MAP7: variants seen among roughly 807,000 people sequenced by gnomAD.
The protein encoded by MAP7 is microtubule associated protein 7.
A neutral mutation model predicts 94.8 loss-of-function variants in MAP7; 52 were observed. That is an observed-to-expected ratio of 0.55 (90% confidence interval 0.44 to 0.69). MAP7 has a LOEUF of 0.69. Among genes scored for constraint, MAP7 ranks in the 30% least tolerant of loss-of-function variants. The probability of loss-of-function intolerance (pLI) is 0.00; values close to 1 mark genes in which losing one functional copy is unlikely to be tolerated. For missense variants in MAP7, 940 were observed against 964.6 expected (o/e 0.97, Z 0.34); for synonymous variants, 350 against 357.0 (o/e 0.98, Z 0.22).
chr6:136,526,897 A>T (rs1394791783), intron 1 of MAP7, among the ~76,000 whole-genome samples: 1 of 152,160 alleles, frequency 6.6e-6, no homozygotes, highest in Non-Finnish European at 1.5e-5. Flanking sequence ...AGCACCAGTC[A>T]TGAGGGCCAC....
At chr6:136,516,926 A>G (rs184860094) in intron 1 of MAP7, among the ~76,000 whole-genome samples, 160 of 151,766 alleles carry the variant, frequency 1.1e-3, no homozygotes, top group Non-Finnish European at 1.8e-3. Flanking sequence ...ACATACATGC[A>G]CACGAGCGCA....
At chr6:136,422,423 T>TA (rs200822830) in intron 1 of MAP7, among the ~76,000 whole-genome samples, 1,645 of 152,074 alleles carry the variant, frequency 0.011, 21 homozygotes, top group East Asian at 0.038. Flanking sequence ...AAATTCAAAT[T>TA]AAAAAAAATC....
At chr6:136,490,037 G>T (rs1816080142) in intron 1 of MAP7, among the ~76,000 whole-genome samples, 1 of 152,198 alleles carries the variant, frequency 6.6e-6, no homozygotes, top group East Asian at 1.9e-4. Flanking sequence ...TTTGTAAAAA[G>T]TAAAAAATCC....
At chr6:136,492,023 A>G (rs972166229) in intron 1 of MAP7, among the ~76,000 whole-genome samples, 2 of 152,192 alleles carry the variant, frequency 1.3e-5, no homozygotes, top group African/African-American at 2.4e-5. Context: ...ATGAGTTTAT[A>G]TTCCAAAAGA....
intron 8 of MAP7, among the ~76,000 whole-genome samples, chr6:136,367,639 G>A (rs143415971): frequency 6.6e-6 from 1 of 152,172 alleles, no homozygotes; most frequent in Non-Finnish European, 1.5e-5. Flanking sequence ...AAAAAATGAA[G>A]AAAGAGGCAG....
At chr6:136,480,990 T>C (rs1323443410) in intron 1 of MAP7, among the ~76,000 whole-genome samples, 4 of 152,160 alleles carry the variant, frequency 2.6e-5, no homozygotes, top group Non-Finnish European at 5.9e-5. Flanking sequence ...AAAGAATACA[T>C]ACAAATGTCA....
At position 136,480,103 on chromosome 6, in the gene MAP7, G is replaced by A. The variant is rs113334314; in HGVS notation, c.68-58304C>T. On this transcript the variant is annotated intron_variant, in intron 1 of 17. Coordinates refer to ENST00000354570, the MANE Select transcript of MAP7 (RefSeq NM_003980.6). ...ACTTGACTTCAAATTATACTGCAGAGTCATAGTAACCAAAATAGCATGGTA... is the reference window on the plus strand; with the variant it reads ...ACTTGACTTCAAATTATACTGCAGAATCATAGTAACCAAAATAGCATGGTA... 3.3e-3 allele frequency among the ~76,000 whole-genome samples: 509 copies of A among 152,254 alleles called. 1 individual carries two copies. Among genetic ancestry groups the A allele is most frequent in the Middle Eastern group, 6.8e-3 (2 of 294 alleles).
At chr6:136,540,741 T>C (rs565389480) in intron 1 of MAP7, among the ~76,000 whole-genome samples, 1 of 152,320 alleles carries the variant, frequency 6.6e-6, no homozygotes, top group Admixed American at 6.5e-5. Flanking sequence ...TCTGAATCAT[T>C]AGTTCTCAGC....
At chr6:136,492,181 G>C (rs1816820328) in intron 1 of MAP7, among the ~76,000 whole-genome samples, 1 of 152,172 alleles carries the variant, frequency 6.6e-6, no homozygotes, top group Non-Finnish European at 1.5e-5. Flanking sequence ...CTCATAAGGA[G>C]TGCACAACCT....
chr6:136,541,235 T>C (rs577075233), intron 1 of MAP7, among the ~76,000 whole-genome samples: 3 of 152,158 alleles, frequency 2.0e-5, no homozygotes, highest in African/African-American at 7.2e-5. Flanking sequence ...ATTATGCATG[T>C]TATTGCCACC....
intron 1 of MAP7, among the ~76,000 whole-genome samples, chr6:136,514,889 A>G (rs1490788690): frequency 6.6e-6 from 1 of 152,212 alleles, no homozygotes; most frequent in Admixed American, 6.5e-5. Context: ...CAATGATTGC[A>G]ATGACTCAGC....
At chr6:136,478,659 C>T (rs1318144365) in intron 1 of MAP7, among the ~76,000 whole-genome samples, 1 of 151,856 alleles carries the variant, frequency 6.6e-6, no homozygotes, top group Non-Finnish European at 1.5e-5. Flanking sequence ...TCATTAGAGG[C>T]TACTATGAGC....
chr6:136,540,169 A>T (rs1331191889), intron 1 of MAP7, among the ~76,000 whole-genome samples: 2 of 152,156 alleles, frequency 1.3e-5, no homozygotes, highest in Non-Finnish European at 2.9e-5. Context: ...GGTGAAGGAA[A>T]GAAAGATTAG....
At chr6:136,344,418 C>G (rs1189450158) in intron 17 of MAP7, among the ~76,000 whole-genome samples, 180 bp from the exon 18 acceptor site, 3 of 152,158 alleles carry the variant, frequency 2.0e-5, no homozygotes, top group Admixed American at 2.0e-4. Context: ...TTCTGTTACT[C>G]ATAGGAAACA....
chr6:136,470,913 G>C (rs1342331624), intron 1 of MAP7, among the ~76,000 whole-genome samples: 1 of 151,910 alleles, frequency 6.6e-6, no homozygotes, highest in Non-Finnish European at 1.5e-5. Flanking sequence ...TCCTTGCAGA[G>C]TTTCACATAT....
chr6:136,423,266 T>A (rs781196882), intron 1 of MAP7, among the ~76,000 whole-genome samples: 26 of 152,294 alleles, frequency 1.7e-4, no homozygotes, highest in Non-Finnish European at 3.7e-4. Flanking sequence ...TCACTTAACA[T>A]CTCTAAGTCT....
At chr6:136,400,241 C>T (rs1164662178) in intron 3 of MAP7, among the ~76,000 whole-genome samples, 1 of 151,844 alleles carries the variant, frequency 6.6e-6, no homozygotes, top group East Asian at 1.9e-4. Flanking sequence ...ACAGTGAAAC[C>T]CTGTCTCTAC....
At chr6:136,388,293 C>A in intron 5 of MAP7, 100 bp downstream of exon 5, 1 of 814,992 alleles carries the variant, frequency 1.2e-6, no homozygotes, top group South Asian at 1.7e-5. Flanking sequence ...ATTATTTCAG[C>A]AGGATTTTTG....
chr6:136,473,325 C>G (rs889910963), intron 1 of MAP7, among the ~76,000 whole-genome samples: 1 of 152,130 alleles, frequency 6.6e-6, no homozygotes, highest in Non-Finnish European at 1.5e-5. Context: ...CAAGAAACAC[C>G]CTAAACTGCA....
Sources: gnomAD v4.1 joint callset for allele counts (sites outside exome capture counted in the v4.1 genomes callset) on GRCh38, gnomAD v4.1.1 for gene constraint, MANE v1.5 for transcripts, NCBI Gene and HGNC (gene_info 2026-07-23, HGNC 2026-07-21) for gene names.